FER1L6: variants seen among roughly 807,000 people sequenced by gnomAD.
FER1L6 encodes fer-1-like protein 6.
A neutral mutation model predicts 219.2 loss-of-function variants in FER1L6; 177 were observed. The observed-to-expected ratio is 0.81, with a 90% CI of 0.71 to 0.91. The LOEUF (loss-of-function observed/expected upper bound fraction) is 0.91, where lower values mean the gene tolerates loss of function less well. Among genes scored for constraint, FER1L6 ranks in the 40% least tolerant of loss-of-function variants. The probability of loss-of-function intolerance (pLI) is 0.00; values close to 1 mark genes in which losing one functional copy is unlikely to be tolerated. For missense variants in FER1L6, 2,153 were observed against 2,259.9 expected, an observed-to-expected ratio of 0.95 and a Z score of 0.96; for synonymous variants, 768 against 824.3, an observed-to-expected ratio of 0.93 and a Z score of 1.17.
intron 34 of FER1L6, among the ~76,000 whole-genome samples, chr8:124,093,336 C>T (rs1563796016): frequency 6.6e-6 from 1 of 151,708 alleles, no homozygotes; most frequent in African/African-American, 2.4e-5. Context: ...GCCTTTGATG[C>T]TTTAAAGTGT....
At chr8:124,023,618 T>C (rs1278480041) in intron 18 of FER1L6, 22 bp downstream of exon 18, 3 of 1,611,456 alleles carry the variant, frequency 1.9e-6, no homozygotes, top group Admixed American at 1.7e-5. Context: ...GTATTTTAAC[T>C]AAAAGAAGGG....
In FER1L6 at chr8:123,857,806, G is replaced by T. The variant is rs149749504; in HGVS notation, c.-8+5621G>T. Among the ~76,000 whole-genome samples the T allele has an allele frequency of 5.0e-3, 763 of 152,286 alleles. 6 individuals are homozygous for T. Among genetic ancestry groups the T allele is most frequent in the African/African-American group, 0.016 (685 of 41,560 alleles). ...CACTGCCCTCTCTCCTCTTCCTGAG[G>T]TTCTACCCTGTTCCTACTGCCGGAA... On this transcript the variant is annotated intron_variant, in intron 1 of 40. Transcript: ENST00000522917.
intron 6 of FER1L6, among the ~76,000 whole-genome samples, chr8:123,970,382 C>T (rs932814416): frequency 1.6e-4 from 24 of 152,128 alleles, no homozygotes; most frequent in Non-Finnish European, 4.4e-5. Flanking sequence ...ATGTGAGACA[C>T]GTGCTTCAAG....
chr8:124,031,898 A>G (rs1480822449), intron 18 of FER1L6, among the ~76,000 whole-genome samples: 1 of 152,210 alleles, frequency 6.6e-6, no homozygotes, highest in Admixed American at 6.5e-5. Flanking sequence ...AATGAATCCA[A>G]CTTAGATACT....
intron 12 of FER1L6, among the ~76,000 whole-genome samples, chr8:124,001,180 G>A (rs1192011536): frequency 6.6e-6 from 1 of 152,214 alleles, no homozygotes; most frequent in Non-Finnish European, 1.5e-5. Flanking sequence ...GCATATGGGA[G>A]TGTCCCCACC....
At chr8:124,119,011 G>GC (rs1823368225) in intron 40 of FER1L6, 67 bp downstream of exon 40, 1 of 1,314,566 alleles carries the variant, frequency 7.6e-7, no homozygotes, top group Admixed American at 1.8e-5. Context: ...GCTGGTGTCT[G>GC]ATAATGGCAT....
intron 2 of FER1L6, among the ~76,000 whole-genome samples, chr8:123,959,533 G>T (rs1184798792): frequency 6.6e-6 from 1 of 152,188 alleles, no homozygotes; most frequent in Admixed American, 6.5e-5. Context: ...TTCCATTCAT[G>T]AAGAGATCCT....
At chr8:123,965,499 A>G (rs1815496939) in intron 3 of FER1L6, among the ~76,000 whole-genome samples, 1 of 152,220 alleles carries the variant, frequency 6.6e-6, no homozygotes, top group Non-Finnish European at 1.5e-5. Context: ...GTGAAATTTC[A>G]TGGAGATGGT....
intron 5 of FER1L6, among the ~76,000 whole-genome samples, chr8:123,969,217 G>A (rs577438886): frequency 2.7e-4 from 41 of 152,112 alleles, no homozygotes; most frequent in African/African-American, 9.6e-4. Context: ...GTAAAACATG[G>A]GACTGGTCTA....
chr8:124,119,972 A>G lies in FER1L6; in HGVS notation c.*182A>G, dbSNP rs1470364733. ...CTCCAACCCCTGCCTCCAAGTTTCA[A>G]ACTTGTAAGGCATGTTTTATCCCTT... On this transcript the variant is annotated 3_prime_UTR_variant, in exon 41 of 41. Coordinates refer to ENST00000522917, the MANE Select transcript of FER1L6 (RefSeq NM_001039112.2). The G allele has an allele frequency of 1.6e-5, 9 of 578,306 alleles. No homozygotes were observed. The highest frequency in any genetic ancestry group is 2.6e-5 in the Non-Finnish European group (9 of 351,310). The allele number at this position is 578,306 out of a possible 1,614,324, so 35.8% of individuals were successfully genotyped here. A position where few individuals can be genotyped will look rare whatever the true frequency, so the allele number is the denominator to read the frequency against.
chr8:123,950,112 C>A (rs1282970320), intron 1 of FER1L6, among the ~76,000 whole-genome samples: 1 of 152,152 alleles, frequency 6.6e-6, no homozygotes, highest in African/African-American at 2.4e-5. Flanking sequence ...TTCTTCGGCG[C>A]CCAGGCAAGA....
chr8:124,108,786 T>C (rs1390666356), intron 39 of FER1L6, among the ~76,000 whole-genome samples: 2 of 151,544 alleles, frequency 1.3e-5, no homozygotes, highest in Non-Finnish European at 2.9e-5. Flanking sequence ...GCTGAGGAAA[T>C]AGGATCCCTT....
Position 124,071,553 on chromosome 8 carries a change from C to T in FER1L6, c.4014C>T (p.Asp1338=). Reference sequence around the variant, plus strand: ...GCCCCCAGGATTCTAGCTCTGAGGACAGCGGGCAGCTGAGAATCCAGCAAG... The same window carrying T: ...GCCCCCAGGATTCTAGCTCTGAGGATAGCGGGCAGCTGAGAATCCAGCAAG... ...YKSPQDSSSE[D]SGQLRIQQGI... Residue 1338 remains aspartate, a synonymous_variant, in exon 31 of 41, where the codon GAC becomes GAT. Transcript: ENST00000522917. 6.2e-7 allele frequency: 1 copy of T among 1,614,122 alleles called. No individual in the cohort carries two copies.
chr8:124,039,868 T>C lies in FER1L6; in HGVS notation c.2465-14T>C. ...GCCCACTAACACCTGCCCCCTTCCA[T>C]GATTTGTCCACAGAACAGCATGTTT... On this transcript the variant is annotated splice_polypyrimidine_tract_variant and intron_variant, in intron 19 of 40. Transcript: ENST00000522917. The C allele has an allele frequency of 6.2e-7, 1 of 1,614,016 alleles. No individual in the cohort carries two copies. The highest frequency in any genetic ancestry group is 8.5e-7 in the Non-Finnish European group (1 of 1,179,918).
intron 1 of FER1L6, among the ~76,000 whole-genome samples, chr8:123,879,505 T>G (rs963384110): frequency 6.6e-6 from 1 of 151,988 alleles, no homozygotes; most frequent in Non-Finnish European, 1.5e-5. Flanking sequence ...TTTTTGTATT[T>G]TAGTCGAGAC....
chr8:124,060,799 G>C (rs537700688), intron 24 of FER1L6, 90 bp downstream of exon 24: 9 of 1,372,894 alleles, frequency 6.6e-6, no homozygotes, highest in Non-Finnish European at 8.0e-6. Context: ...CTAGCTGCGA[G>C]AAAGAATTAA....
chr8:123,970,618 T>G (rs1815761584), intron 6 of FER1L6, among the ~76,000 whole-genome samples: 1 of 152,140 alleles, frequency 6.6e-6, no homozygotes, highest in Non-Finnish European at 1.5e-5. Flanking sequence ...TGGTGGCCAT[T>G]GGGATTTTCA....
chr8:124,064,623 T>C (rs369772180), intron 26 of FER1L6, 50 bp downstream of exon 26: 95 of 1,533,662 alleles, frequency 6.2e-5, no homozygotes, highest in Non-Finnish European at 7.9e-5. Flanking sequence ...GGAGTTTGCA[T>C]TGCAGGTCTC....
chr8:123,957,764 G>T (rs926916440), intron 2 of FER1L6, among the ~76,000 whole-genome samples: 5 of 152,128 alleles, frequency 3.3e-5, no homozygotes, highest in Admixed American at 6.5e-5. Context: ...CATTTCAGAG[G>T]AGTTTGCTCC....
Sources: allele counts gnomAD v4.1 joint callset (sites outside exome capture counted in the v4.1 genomes callset), GRCh38; gene constraint gnomAD v4.1.1; transcripts MANE v1.5; gene names NCBI Gene and HGNC (gene_info 2026-07-23, HGNC 2026-07-21).